The following CFAP276 variants were observed in gnomAD, a reference collection of about 807,000 sequenced individuals.
The protein encoded by CFAP276 is cilia and flagella associated protein 276.
At chr1:109,112,775 C>A in the CFAP276 span, 79 of 1,499,182 alleles carry the variant, frequency 5.3e-5, no homozygotes, top group Non-Finnish European at 6.5e-5. Flanking sequence ...TTGTTTGGAG[C>A]GCTGGTTTCG....
chr1:109,112,459 G>T, the CFAP276 span: 3 of 1,241,592 alleles, frequency 2.4e-6, no homozygotes, highest in Non-Finnish European at 3.2e-6. Flanking sequence ...AGATAGGGAG[G>T]CAGGCAGAAA....
the CFAP276 span, chr1:109,107,885 G>C: frequency 6.6e-7 from 1 of 1,516,790 alleles, no homozygotes; most frequent in Non-Finnish European, 9.0e-7. Context: ...AGCCCTAAAC[G>C]GCTGCAAAGA....
chr1:109,107,023 T>C, the CFAP276 span: 1 of 1,613,814 alleles, frequency 6.2e-7, no homozygotes, highest in Non-Finnish European at 8.5e-7. Context: ...GTATCCTGCG[T>C]GGTTTTCTGG....
the CFAP276 span, chr1:109,112,846 C>T: frequency 1.7e-6 from 2 of 1,210,920 alleles, no homozygotes; most frequent in East Asian, 5.5e-5. Context: ...AGGGCGCCAC[C>T]TGGCGGCTGA....
the CFAP276 span, among the ~76,000 whole-genome samples, chr1:109,113,416 A>AGAGAGAG: frequency 5.9e-5 from 4 of 68,080 alleles, no homozygotes; most frequent in African/African-American, 8.2e-5. Flanking sequence ...GAGAGAGAGA[A>AGAGAGAG]AGAGAGAGAG....
the CFAP276 span, chr1:109,113,729 A>T: frequency 6.2e-7 from 1 of 1,602,820 alleles, no homozygotes; most frequent in Non-Finnish European, 8.5e-7. Flanking sequence ...GATGCTCATA[A>T]AATAACCCCT....
At chr1:109,112,746 A>AT in the CFAP276 span, 3 of 1,536,172 alleles carry the variant, frequency 2.0e-6, no homozygotes, top group African/African-American at 4.1e-5. Context: ...CCTCACTGGC[A>AT]TAAGATCCCG....
the CFAP276 span, chr1:109,112,587 A>G: frequency 6.5e-7 from 1 of 1,549,794 alleles, no homozygotes; most frequent in Non-Finnish European, 8.7e-7. Context: ...TCTGCGCAAG[A>G]AACCACAGTA....
chr1:109,109,691 C>T, the CFAP276 span, among the ~76,000 whole-genome samples: 6 of 151,664 alleles, frequency 4.0e-5, no homozygotes, highest in East Asian at 7.9e-4. Context: ...CATGTGCCAC[C>T]GCATCTGGCT....
At chr1:109,107,163 G>C in the CFAP276 span, 1 of 1,471,698 alleles carries the variant, frequency 6.8e-7, no homozygotes. Context: ...TCAGCCACCT[G>C]TGTCCCTGCT....
chr1:109,108,756 T>C, the CFAP276 span, among the ~76,000 whole-genome samples: 1 of 152,188 alleles, frequency 6.6e-6, no homozygotes, highest in East Asian at 1.9e-4. Context: ...CATGAAGTAG[T>C]AGCTGAAGCC....
the CFAP276 span, among the ~76,000 whole-genome samples, chr1:109,113,210 C>A: frequency 4.6e-5 from 7 of 151,888 alleles, no homozygotes; most frequent in African/African-American, 1.4e-4. Flanking sequence ...GGCAACATGG[C>A]GAAACCCCGT....
the CFAP276 span, chr1:109,107,168 C>T: frequency 6.9e-7 from 1 of 1,444,310 alleles, no homozygotes; most frequent in Non-Finnish European, 9.7e-7. Flanking sequence ...CACCTGTGTC[C>T]CTGCTCTAGT....
At chr1:109,111,294 C>T in the CFAP276 span, among the ~76,000 whole-genome samples, 2 of 152,064 alleles carry the variant, frequency 1.3e-5, no homozygotes, top group African/African-American at 4.8e-5. Flanking sequence ...AAGGAAGATC[C>T]TGGTTCTACA....
the CFAP276 span, among the ~76,000 whole-genome samples, chr1:109,111,241 A>G: frequency 6.6e-6 from 1 of 152,136 alleles, no homozygotes; most frequent in Non-Finnish European, 1.5e-5. Flanking sequence ...CCAAAGCAGG[A>G]GGATCACTTG....
At chr1:109,111,655 C>A in the CFAP276 span, among the ~76,000 whole-genome samples, 1 of 152,108 alleles carries the variant, frequency 6.6e-6, no homozygotes, top group African/African-American at 2.4e-5. Flanking sequence ...CCCAAATAAG[C>A]CATTCTCTCT....
the CFAP276 span, chr1:109,107,949 CTCATGGAAGTAA>C: frequency 6.2e-7 from 1 of 1,608,216 alleles, no homozygotes; most frequent in Middle Eastern, 1.7e-4. Context: ...GGCATCCCGC[CTCATGGAAGTAA>C]TTGTGGGGGT....
At chr1:109,106,370 C>T in the CFAP276 span, among the ~76,000 whole-genome samples, 1 of 152,224 alleles carries the variant, frequency 6.6e-6, no homozygotes, top group African/African-American at 2.4e-5. Context: ...TCAGCATGTC[C>T]CCTGGTATTA....
At chr1:109,108,754 A>G in the CFAP276 span, among the ~76,000 whole-genome samples, 1 of 152,232 alleles carries the variant, frequency 6.6e-6, no homozygotes, top group East Asian at 1.9e-4. Flanking sequence ...CACATGAAGT[A>G]GTAGCTGAAG....
Sources: gnomAD v4.1 joint callset for allele counts (sites outside exome capture counted in the v4.1 genomes callset) on GRCh38, gnomAD v4.1.1 for gene constraint, MANE v1.5 for transcripts, NCBI Gene and HGNC (gene_info 2026-07-23, HGNC 2026-07-21) for gene names.